Variants in ACAP2 observed in about 807,000 individuals in gnomAD.
ACAP2 encodes the protein arf-GAP with coiled-coil, ANK repeat and PH domain-containing protein 2.
In ACAP2, 39 loss-of-function variants were observed where a neutral mutation model predicts 115.8. That is an observed-to-expected ratio of 0.34 (90% CI 0.26 to 0.44). The LOEUF (loss-of-function observed/expected upper bound fraction) is 0.44, where lower values mean the gene tolerates loss of function less well. Ranked by LOEUF, ACAP2 falls within the 20% of genes least tolerant of loss-of-function variation. ACAP2 has a pLI of 1.00. For missense variants in ACAP2, 662 were observed against 927.6 expected (o/e 0.71, Z 3.72); for synonymous variants, 289 against 315.8 (o/e 0.92, Z 0.90).
chr3:195,384,404 G>C (rs1264068459), intron 2 of ACAP2, among the ~76,000 whole-genome samples: 1 of 152,136 alleles, frequency 6.6e-6, no homozygotes, highest in Non-Finnish European at 1.5e-5. Flanking sequence ...TTGTACTGAA[G>C]AGTACAAATA....
chr3:195,318,230 G>T (rs184152397), intron 10 of ACAP2, among the ~76,000 whole-genome samples: 1 of 152,338 alleles, frequency 6.6e-6, no homozygotes, highest in East Asian at 1.9e-4. Context: ...GTCTCAGGTA[G>T]TATCTTTATA....
chr3:195,349,025 A>G (rs1268550252), intron 4 of ACAP2, among the ~76,000 whole-genome samples: 1 of 152,124 alleles, frequency 6.6e-6, no homozygotes, highest in African/African-American at 2.4e-5. Context: ...GTCTTTATCC[A>G]CAGATGATGT....
At chr3:195,288,174 G>T (rs957735932) in intron 21 of ACAP2, among the ~76,000 whole-genome samples, 4 of 152,024 alleles carry the variant, frequency 2.6e-5, no homozygotes, top group African/African-American at 9.7e-5. Flanking sequence ...TAGCATAAAT[G>T]GCTAAGAACA....
At chr3:195,413,123 T>C (rs1352623479) in intron 1 of ACAP2, among the ~76,000 whole-genome samples, 1 of 152,200 alleles carries the variant, frequency 6.6e-6, no homozygotes, top group Non-Finnish European at 1.5e-5. Context: ...CCTTAAGGCA[T>C]TTAAACTTTG....
intron 4 of ACAP2, among the ~76,000 whole-genome samples, chr3:195,373,247 T>G (rs1277674855): frequency 6.6e-6 from 1 of 151,916 alleles, no homozygotes; most frequent in Non-Finnish European, 1.5e-5. Flanking sequence ...AATAAAAAAT[T>G]TATTTGGAAA....
At chr3:195,418,323 T>C (rs1013810659) in intron 1 of ACAP2, among the ~76,000 whole-genome samples, 2 of 152,196 alleles carry the variant, frequency 1.3e-5, no homozygotes, top group Admixed American at 1.3e-4. Context: ...GTCCATCTGC[T>C]TTTCAATAAT....
At chr3:195,403,204 G>A (rs142447677) in intron 1 of ACAP2, among the ~76,000 whole-genome samples, 21 of 152,302 alleles carry the variant, frequency 1.4e-4, no homozygotes, top group African/African-American at 4.6e-4. Flanking sequence ...CAACATTCCT[G>A]GAACGTTCAA....
intron 1 of ACAP2, among the ~76,000 whole-genome samples, chr3:195,426,375 T>G (rs140947466): frequency 1.0e-3 from 152 of 152,290 alleles, no homozygotes; most frequent in African/African-American, 3.6e-3. Context: ...CAATGAGTAT[T>G]CGTGCCAAAA....
At chr3:195,346,803 A>G (rs989160316) in intron 4 of ACAP2, among the ~76,000 whole-genome samples, 8 of 152,308 alleles carry the variant, frequency 5.3e-5, no homozygotes, top group African/African-American at 1.9e-4. Flanking sequence ...GAAACAAACT[A>G]TGATACATTC....
Position 195,392,079 on chromosome 3 carries a change from G to C in ACAP2, c.111+11C>G. The C allele has an allele frequency of 1.2e-6, 2 of 1,608,536 alleles. No homozygotes were observed. The highest frequency in any genetic ancestry group is 1.7e-6 in the Non-Finnish European group (2 of 1,175,790). ...AATCAATGTTTCAAAAAGCTAACTT[G>C]TAAAATTTACCTTATCAAGTTTTAG... is the stretch of plus-strand genomic sequence containing the variant. On this transcript the variant is annotated intron_variant, in intron 2 of 22. Coordinates refer to ENST00000326793, the MANE Select transcript of ACAP2 (RefSeq NM_012287.6).
At chr3:195,344,977 T>C (rs1302898850) in intron 5 of ACAP2, among the ~76,000 whole-genome samples, 2 of 152,232 alleles carry the variant, frequency 1.3e-5, no homozygotes, top group Non-Finnish European at 2.9e-5. Context: ...AAAGAACAAT[T>C]AGATTATTTA....
chr3:195,420,197 G>C (rs558132016), intron 1 of ACAP2, among the ~76,000 whole-genome samples: 1 of 151,870 alleles, frequency 6.6e-6, no homozygotes, highest in Admixed American at 6.6e-5. Flanking sequence ...TCTATTTATA[G>C]TTTTTGTTAT....
At chr3:195,361,317 TCTCAGCTA>T (rs1355037561) in intron 4 of ACAP2, among the ~76,000 whole-genome samples, 1 of 151,904 alleles carries the variant, frequency 6.6e-6, no homozygotes, top group Non-Finnish European at 1.5e-5. Flanking sequence ...GCACCTGTAA[TCTCAGCTA>T]CTCAGGAGGC....
chr3:195,438,116 C>G (rs542436456), intron 1 of ACAP2, among the ~76,000 whole-genome samples: 17 of 150,658 alleles, frequency 1.1e-4, no homozygotes, highest in African/African-American at 4.1e-4. Flanking sequence ...ACCTCTGCCT[C>G]CCAGGTTCAA....
intron 6 of ACAP2, among the ~76,000 whole-genome samples, chr3:195,338,336 C>T (rs1577323213): frequency 6.6e-6 from 1 of 152,120 alleles, no homozygotes; most frequent in Non-Finnish European, 1.5e-5. Flanking sequence ...CCCACCCTGG[C>T]CGGAGTGCAG....
chr3:195,279,968 G>A (rs1010047356), intron 22 of ACAP2, among the ~76,000 whole-genome samples: 12 of 151,530 alleles, frequency 7.9e-5, no homozygotes, highest in South Asian at 2.1e-4. Context: ...ACTTTAATGC[G>A]TAATTAAAAC....
chr3:195,419,725 C>T (rs1024703271), intron 1 of ACAP2, among the ~76,000 whole-genome samples: 1 of 152,104 alleles, frequency 6.6e-6, no homozygotes, highest in Admixed American at 6.6e-5. Context: ...AAAATTTATT[C>T]TAGGGAAATG....
intron 1 of ACAP2, among the ~76,000 whole-genome samples, chr3:195,395,324 C>T (rs768850531): frequency 4.6e-5 from 7 of 151,620 alleles, no homozygotes; most frequent in Non-Finnish European, 5.9e-5. Flanking sequence ...ATGAGCAAAA[C>T]AGAGAATAAG....
At chr3:195,370,594 C>T (rs1380862551) in intron 4 of ACAP2, among the ~76,000 whole-genome samples, 1 of 152,100 alleles carries the variant, frequency 6.6e-6, no homozygotes, top group East Asian at 1.9e-4. Flanking sequence ...CTCTGTTCCA[C>T]TGGTCTGTGT....
Sources: gnomAD v4.1 joint callset for allele counts (sites outside exome capture counted in the v4.1 genomes callset) on GRCh38, gnomAD v4.1.1 for gene constraint, MANE v1.5 for transcripts, NCBI Gene and HGNC (gene_info 2026-07-23, HGNC 2026-07-21) for gene names.